The following PTPRT variants were observed in gnomAD, a reference collection of about 807,000 sequenced individuals.
PTPRT encodes receptor-type tyrosine-protein phosphatase T.
Under a neutral mutation model 176.8 loss-of-function variants are expected in PTPRT, and 56 were observed. The ratio of observed to expected loss-of-function variants is 0.32; its 90% CI spans 0.26 to 0.40. The LOEUF (loss-of-function observed/expected upper bound fraction) is 0.40. PTPRT is among the 10% of genes least tolerant of loss of function. PTPRT has a pLI of 1.00. For synonymous variants in PTPRT, 783 were observed against 739.0 expected, an observed-to-expected ratio of 1.06 and a Z score of -0.96; for missense variants, 1,540 against 1,908.2, an observed-to-expected ratio of 0.81 and a Z score of 3.60.
chr20:42,298,275 GAA>G (rs1403947185), intron 12 of PTPRT, among the ~76,000 whole-genome samples: 1 of 152,202 alleles, frequency 6.6e-6, no homozygotes, highest in South Asian at 2.1e-4. Flanking sequence ...TAAGAAAAAG[GAA>G]ATTAAAGCTA....
intron 14 of PTPRT, among the ~76,000 whole-genome samples, chr20:42,245,572 G>C (rs1168216485): frequency 6.6e-6 from 1 of 152,074 alleles, no homozygotes; most frequent in Non-Finnish European, 1.5e-5. Context: ...TTTGTATTCA[G>C]GTGTCTAAAT....
chr20:42,748,420 G>A lies in PTPRT; in HGVS notation c.859+8042C>T, dbSNP rs1372176416. On this transcript the variant is annotated intron_variant, in intron 6 of 30. Coordinates refer to ENST00000373187, the MANE Select transcript of PTPRT (RefSeq NM_007050.6). Reference sequence around the variant, plus strand: ...TGGAAACTCTGGAGTCCAGTCTGAGGCCAGCCTTTGCTTTGTTCCACTCCC... The same window carrying A: ...TGGAAACTCTGGAGTCCAGTCTGAGACCAGCCTTTGCTTTGTTCCACTCCC... 1.3e-5 allele frequency among the ~76,000 whole-genome samples: 2 copies of A among 152,092 alleles called. 1 individual carries two copies. The highest frequency in any genetic ancestry group is 4.8e-5 in the African/African-American group (2 of 41,396).
chr20:43,014,714 G>A (rs985244052), intron 1 of PTPRT, among the ~76,000 whole-genome samples: 31 of 152,128 alleles, frequency 2.0e-4, no homozygotes, highest in African/African-American at 7.5e-4. Context: ...ATTAAAACAG[G>A]CTTAATCGAG....
chr20:42,794,440 C>G (rs570409672), intron 2 of PTPRT, among the ~76,000 whole-genome samples: 2 of 152,182 alleles, frequency 1.3e-5, no homozygotes, highest in South Asian at 4.1e-4. Context: ...GAGTTTGGAT[C>G]TGCAGTTTAT....
intron 7 of PTPRT, among the ~76,000 whole-genome samples, chr20:42,620,525 C>T (rs1260915237): frequency 2.0e-5 from 3 of 149,468 alleles, no homozygotes; most frequent in African/African-American, 5.1e-5. Context: ...CAATGGCGGG[C>T]GCCCCTCCCC....
At chr20:42,244,359 G>T (rs1164871687) in intron 14 of PTPRT, among the ~76,000 whole-genome samples, 1 of 152,164 alleles carries the variant, frequency 6.6e-6, no homozygotes, top group Non-Finnish European at 1.5e-5. Context: ...TACACTCTTG[G>T]AACAGAAGTT....
intron 1 of PTPRT, among the ~76,000 whole-genome samples, chr20:42,911,344 T>C (rs959924436): frequency 6.6e-6 from 1 of 152,116 alleles, no homozygotes; most frequent in African/African-American, 2.4e-5. Flanking sequence ...GAGCTAAATA[T>C]ATACTAGCTA....
In PTPRT at chr20:42,078,168, A is replaced by C. The variant is rs1027128277; in HGVS notation, c.*2711T>G. On this transcript the variant is annotated 3_prime_UTR_variant, in exon 31 of 31. Coordinates refer to ENST00000373187, the MANE Select transcript of PTPRT (RefSeq NM_007050.6). Reference sequence around the variant, plus strand: ...CTGGGGAGAGGCTCATCAAAGGAAAAGAGCAAGTTCATCGTGGGGTTCCTT... The same window carrying C: ...CTGGGGAGAGGCTCATCAAAGGAAACGAGCAAGTTCATCGTGGGGTTCCTT... The C allele has an allele frequency of 1.6e-5, 3 of 191,598 alleles. No individual in the cohort carries two copies. The highest frequency in any genetic ancestry group is 1.1e-5 in the Non-Finnish European group (1 of 91,472). The allele number at this position is 191,598 out of a possible 1,614,324, so 11.9% of individuals were successfully genotyped here. A position where few individuals can be genotyped will look rare whatever the true frequency, so the allele number is the denominator to read the frequency against.
intron 13 of PTPRT, among the ~76,000 whole-genome samples, chr20:42,276,504 T>C (rs1365716264): frequency 3.5e-4 from 2 of 5,636 alleles, no homozygotes; most frequent in African/African-American, 1.6e-3. Flanking sequence ...GAAATATATA[T>C]ATATATATAT....
intron 18 of PTPRT, among the ~76,000 whole-genome samples, chr20:42,137,073 G>T (rs6124420): frequency 0.054 from 8,148 of 152,240 alleles, 342 homozygotes; most frequent in East Asian, 0.2. Context: ...AAAGTCCTTA[G>T]GAAAAGAAGC....
intron 7 of PTPRT, among the ~76,000 whole-genome samples, chr20:42,515,251 G>A (rs868255790): frequency 1.3e-5 from 2 of 152,284 alleles, no homozygotes; most frequent in Middle Eastern, 3.4e-3. Flanking sequence ...CTGGGAGGCC[G>A]AGGCAGGCGG....
At chr20:42,597,497 T>C (rs769010079) in intron 7 of PTPRT, among the ~76,000 whole-genome samples, 3 of 152,196 alleles carry the variant, frequency 2.0e-5, no homozygotes, top group Non-Finnish European at 2.9e-5. Flanking sequence ...AGAGTTCTCA[T>C]GAATGGTTTA....
At chr20:42,128,600 A>G (rs554239744) in intron 19 of PTPRT, among the ~76,000 whole-genome samples, 154 bp downstream of exon 19, 1 of 152,336 alleles carries the variant, frequency 6.6e-6, no homozygotes, top group Non-Finnish European at 1.5e-5. Flanking sequence ...GCAGTGGTAG[A>G]TGGACAGTCA....
chr20:42,260,277 G>T (rs6124435), intron 13 of PTPRT, among the ~76,000 whole-genome samples: 75,579 of 151,990 alleles, frequency 0.5, 19,837 homozygotes, highest in Non-Finnish European at 0.58. Flanking sequence ...CTCCCTGTGG[G>T]CCAGACTGTC....
At chr20:42,800,807 G>C (rs1287597618) in intron 2 of PTPRT, among the ~76,000 whole-genome samples, 1 of 152,126 alleles carries the variant, frequency 6.6e-6, no homozygotes, top group African/African-American at 2.4e-5. Context: ...GTGCCGTCTT[G>C]CCTTCACATT....
At chr20:42,046,410 T>C in the PTPRT span, among the ~76,000 whole-genome samples, 1 of 152,198 alleles carries the variant, frequency 6.6e-6, no homozygotes, top group African/African-American at 2.4e-5. Flanking sequence ...ATGCATTTCT[T>C]GAGTGAATGG....
At chr20:42,277,137 GC>G (rs1204743477) in intron 13 of PTPRT, among the ~76,000 whole-genome samples, 1 of 152,214 alleles carries the variant, frequency 6.6e-6, no homozygotes, top group East Asian at 1.9e-4. Flanking sequence ...GGTGACACTG[GC>G]CCCTCATCCT....
At chr20:42,216,260 T>C (rs2055768520) in intron 15 of PTPRT, among the ~76,000 whole-genome samples, 2 of 152,190 alleles carry the variant, frequency 1.3e-5, no homozygotes, top group Admixed American at 1.3e-4. Context: ...TCCTTCTTGC[T>C]GAATGGCTAA....
intron 6 of PTPRT, among the ~76,000 whole-genome samples, chr20:42,718,171 A>C (rs6103010): frequency 1.9e-4 from 29 of 152,372 alleles, no homozygotes; most frequent in African/African-American, 6.5e-4. Context: ...TAAATAATAG[A>C]AACAACTCAG....
Sources: allele counts gnomAD v4.1 joint callset (sites outside exome capture counted in the v4.1 genomes callset), GRCh38; gene constraint gnomAD v4.1.1; transcripts MANE v1.5; gene names NCBI Gene and HGNC (gene_info 2026-07-23, HGNC 2026-07-21).